MZT1: variants seen among roughly 807,000 people sequenced by gnomAD.
MZT1 encodes mitotic spindle organizing protein 1, also known as mitotic-spindle organizing protein 1.
In MZT1, 8 loss-of-function variants were observed where a neutral mutation model predicts 8.5. The ratio of observed to expected loss-of-function variants is 0.94; its 90% CI spans 0.55 to 1.70. MZT1 has a LOEUF of 1.70. Ranked by LOEUF, MZT1 falls within the 40% of genes most tolerant of loss-of-function variation. The pLI, the probability that MZT1 is intolerant of heterozygous loss-of-function variation, is 0.00. For synonymous variants in MZT1, 38 were observed against 42.0 expected (o/e 0.90, Z 0.37); for missense variants, 93 against 108.6 (o/e 0.86, Z 0.64).
Position 72,716,003 on chromosome 13 carries a change from C to T in MZT1, c.225+2949G>A, listed in dbSNP as rs77754056. ...GTGAATCTTGGCTCACTGCCACCTCCGCCTCTTGGGTTCAAGTGATTCTCT... is the reference window on the plus strand; with the variant it reads ...GTGAATCTTGGCTCACTGCCACCTCTGCCTCTTGGGTTCAAGTGATTCTCT... On this transcript the variant is annotated intron_variant, in intron 2 of 2. Coordinates refer to ENST00000377818, the MANE Select transcript of MZT1 (RefSeq NM_001071775.3). 4.0e-3 allele frequency among the ~76,000 whole-genome samples: 604 copies of T among 152,116 alleles called. 2 individuals carry two copies. Among genetic ancestry groups the T allele is most frequent in the African/African-American group, 0.013 (559 of 41,504 alleles).
chr13:72,717,410 G>T (rs1159020814), intron 2 of MZT1, among the ~76,000 whole-genome samples: 8 of 149,926 alleles, frequency 5.3e-5, no homozygotes, highest in Non-Finnish European at 8.8e-5. Flanking sequence ...CGCAATCTTG[G>T]CTCACTGCAA....
chr13:72,724,792 C>T (rs1338145071), intron 1 of MZT1, among the ~76,000 whole-genome samples: 2 of 132,404 alleles, frequency 1.5e-5, no homozygotes, highest in African/African-American at 5.4e-5. Flanking sequence ...TGGCTCACGC[C>T]TATAATCCCA....
chr13:72,724,715 TATAC>T (rs1376541363), intron 1 of MZT1, among the ~76,000 whole-genome samples: 18 of 22,850 alleles, frequency 7.9e-4, no homozygotes, highest in African/African-American at 1.1e-3. Flanking sequence ...TATATATATA[TATAC>T]ATATATATAT....
rs2032551281 is a variant in MZT1, at chr13:72,717,896, T to G, written c.225+1056A>C. Among the ~76,000 whole-genome samples the G allele has an allele frequency of 2.0e-5, 3 of 152,192 alleles. No individual in the cohort carries two copies. The South Asian group carries it at 6.2e-4, about 31-fold the overall frequency. On this transcript the variant is annotated intron_variant, in intron 2 of 2. Coordinates refer to ENST00000377818, the MANE Select transcript of MZT1 (RefSeq NM_001071775.3). ...TTCAAGGAAATCTAGTCTTTTTCTA[T>G]CAAGCACCTTAAAACTTTCCAGTCT...
intron 2 of MZT1, among the ~76,000 whole-genome samples, chr13:72,715,816 G>T (rs1001941022): frequency 6.6e-6 from 1 of 152,022 alleles, no homozygotes; most frequent in Non-Finnish European, 1.5e-5. Context: ...CCTTCCTAAG[G>T]CCTCTCCAGA....
At chr13:72,711,032 A>T (rs570282974) in intron 2 of MZT1, among the ~76,000 whole-genome samples, 1 of 152,280 alleles carries the variant, frequency 6.6e-6, no homozygotes, top group East Asian at 1.9e-4. Flanking sequence ...CTACCTACAC[A>T]GGGACACATC....
intron 2 of MZT1, among the ~76,000 whole-genome samples, chr13:72,713,330 A>C (rs551389299): frequency 1.4e-4 from 21 of 152,180 alleles, no homozygotes; most frequent in Non-Finnish European, 2.4e-4. Context: ...ATTTTGGAAA[A>C]TTTGCATTGA....
rs146264402 is a variant in MZT1, at chr13:72,712,613, C to G, written c.226-2268G>C. Reference sequence around the variant, plus strand: ...TAATTACTGATTTTACCTCCCACATCTCACTATGGCCCACTGGATGCAGAA... The same window carrying G: ...TAATTACTGATTTTACCTCCCACATGTCACTATGGCCCACTGGATGCAGAA... On this transcript the variant is annotated intron_variant, in intron 2 of 2. Transcript: ENST00000377818. Among the ~76,000 whole-genome samples, 18 of 152,344 alleles carry G rather than the reference C, an allele frequency of 1.2e-4. No homozygotes were observed. The East Asian group carries it at 3.5e-3, about 29-fold the overall frequency.
chr13:72,724,673 G>T (rs1593799415), intron 1 of MZT1, among the ~76,000 whole-genome samples: 1 of 117,334 alleles, frequency 8.5e-6, no homozygotes, highest in Non-Finnish European at 1.8e-5. Context: ...CAAGTAGCTG[G>T]GATTACAGGC....
chr13:72,719,390 C>T (rs982491001), intron 1 of MZT1, among the ~76,000 whole-genome samples: 2 of 152,092 alleles, frequency 1.3e-5, no homozygotes, highest in Admixed American at 6.5e-5. Flanking sequence ...TAATTCTGAA[C>T]ACTTGCTTAT....
At chr13:72,720,714 C>G (rs1167612279) in intron 1 of MZT1, among the ~76,000 whole-genome samples, 2 of 152,102 alleles carry the variant, frequency 1.3e-5, no homozygotes, top group Non-Finnish European at 2.9e-5. Context: ...CATGGAGAAA[C>G]CCCGTCTCTA....
intron 2 of MZT1, 113 bp downstream of exon 2, chr13:72,718,839 G>A (rs759446638): frequency 8.2e-5 from 83 of 1,009,184 alleles, no homozygotes; most frequent in Non-Finnish European, 1.1e-4. Flanking sequence ...TTCTAGTGGT[G>A]TTGCATGTTA....
chr13:72,727,412 G>T (rs1449225888), intron 1 of MZT1, 112 bp downstream of exon 1: 5 of 1,050,506 alleles, frequency 4.8e-6, no homozygotes, highest in Non-Finnish European at 7.5e-6. Context: ...GATCTTGGAA[G>T]ATGCCGTTTG....
intron 1 of MZT1, among the ~76,000 whole-genome samples, chr13:72,725,815 A>C (rs974974793): frequency 6.6e-6 from 1 of 152,070 alleles, no homozygotes; most frequent in African/African-American, 2.4e-5. Context: ...AGTACAGCTA[A>C]CCTAAGAAAA....
At chr13:72,717,316 T>C (rs1266564514) in intron 2 of MZT1, among the ~76,000 whole-genome samples, 1 of 151,472 alleles carries the variant, frequency 6.6e-6, no homozygotes, top group African/African-American at 2.4e-5. Flanking sequence ...AGAACACAAT[T>C]CAGCCACAAT....
In MZT1 at chr13:72,719,024, A is replaced by G. The variant is rs2032567585; in HGVS notation, c.153T>C (p.Cys51=). Residue 51 remains cysteine (C), a synonymous_variant, in exon 2 of 3, where the codon TGT becomes TGC. Transcript: ENST00000377818. ...AAGCTTCTGGGTTAATTCCTTGTTCACAAAGCCGTACACAAATAGACAGAG... is the reference window on the plus strand; with the variant it reads ...AAGCTTCTGGGTTAATTCCTTGTTCGCAAAGCCGTACACAAATAGACAGAG... The part of the protein sequence containing the change: ...METLSICVRL[C]EQGINPEALS... 5 of 1,598,298 alleles carry G rather than the reference A, an allele frequency of 3.1e-6. No individual in the cohort carries two copies. The highest frequency in any genetic ancestry group is 4.3e-6 in the Non-Finnish European group (5 of 1,174,396).
intron 1 of MZT1, 110 bp downstream of exon 1, chr13:72,727,414 T>C (rs1273617829): frequency 6.6e-6 from 7 of 1,068,404 alleles, no homozygotes; most frequent in East Asian, 4.7e-5. Context: ...TCTTGGAAGA[T>C]GCCGTTTGGG....
At chr13:72,711,768 T>C (rs2032490986) in intron 2 of MZT1, among the ~76,000 whole-genome samples, 1 of 151,384 alleles carries the variant, frequency 6.6e-6, no homozygotes, top group African/African-American at 2.4e-5. Context: ...AAGAACCTTA[T>C]GCTTGTAAAG....
intron 1 of MZT1, among the ~76,000 whole-genome samples, chr13:72,724,207 A>G (rs1461103608): frequency 6.6e-6 from 1 of 152,210 alleles, no homozygotes; most frequent in African/African-American, 2.4e-5. Flanking sequence ...TAGGAACATA[A>G]AAAAATCAAA....
Sources: allele counts gnomAD v4.1 joint callset (sites outside exome capture counted in the v4.1 genomes callset), GRCh38; gene constraint gnomAD v4.1.1; transcripts MANE v1.5; gene names NCBI Gene and HGNC (gene_info 2026-07-23, HGNC 2026-07-21).